The following GRID1 variants were observed in gnomAD, a reference collection of about 807,000 sequenced individuals.
GRID1 encodes glutamate receptor ionotropic, delta-1.
Under a neutral mutation model 98.0 loss-of-function variants are expected in GRID1, and 28 were observed. That is an observed-to-expected ratio of 0.29 (90% CI 0.21 to 0.39). The LOEUF is 0.39. Among genes scored for constraint, GRID1 ranks in the 10% least tolerant of loss-of-function variants. GRID1 has a pLI of 1.00. For synonymous variants in GRID1, 553 were observed against 538.5 expected, an observed-to-expected ratio of 1.03 and a Z score of -0.37; for missense variants, 1,111 against 1,340.5, an observed-to-expected ratio of 0.83 and a Z score of 2.67.
intron 4 of GRID1, among the ~76,000 whole-genome samples, chr10:86,030,982 A>G (rs1312178426): frequency 6.6e-6 from 1 of 152,116 alleles, no homozygotes; most frequent in African/African-American, 2.4e-5. Context: ...CTATGTAAAC[A>G]TCATACCTGA....
chr10:85,818,296 A>G (rs1346651020), intron 8 of GRID1, among the ~76,000 whole-genome samples: 1 of 152,182 alleles, frequency 6.6e-6, no homozygotes, highest in Non-Finnish European at 1.5e-5. Context: ...GTTTCCATCT[A>G]TTTGTATCTA....
chr10:86,030,273 T>C (rs1438709131), intron 4 of GRID1, among the ~76,000 whole-genome samples: 1 of 152,190 alleles, frequency 6.6e-6, no homozygotes, highest in Admixed American at 6.5e-5. Flanking sequence ...CAAGGATATT[T>C]AGGACAAGAC....
chr10:85,673,115 A>C (rs1321575205), intron 12 of GRID1, among the ~76,000 whole-genome samples: 1 of 152,236 alleles, frequency 6.6e-6, no homozygotes, highest in East Asian at 1.9e-4. Context: ...TGGAGGAAGT[A>C]ACTGCATATG....
chr10:86,160,019 A>G (rs1845299116), intron 3 of GRID1, among the ~76,000 whole-genome samples: 1 of 152,034 alleles, frequency 6.6e-6, no homozygotes, highest in Non-Finnish European at 1.5e-5. Context: ...CATCATAACC[A>G]TCAACATCAC....
chr10:85,952,046 C>T (rs1468653078), intron 4 of GRID1, among the ~76,000 whole-genome samples: 2 of 152,202 alleles, frequency 1.3e-5, no homozygotes, highest in Admixed American at 6.5e-5. Context: ...GAACACTATC[C>T]GAAGCACTAA....
intron 8 of GRID1, among the ~76,000 whole-genome samples, chr10:85,801,732 C>A (rs1406717341): frequency 6.6e-6 from 1 of 151,620 alleles, no homozygotes; most frequent in Admixed American, 6.6e-5. Context: ...GCTTTAAAAT[C>A]AGAACATAAA....
intron 2 of GRID1, among the ~76,000 whole-genome samples, chr10:86,252,834 T>C (rs1423222732): frequency 6.6e-6 from 1 of 152,218 alleles, no homozygotes; most frequent in Non-Finnish European, 1.5e-5. Flanking sequence ...TCATGCTGAA[T>C]TTGCTGAGTC....
At chr10:85,843,547 G>A (rs964520985) in intron 8 of GRID1, among the ~76,000 whole-genome samples, 2 of 151,938 alleles carry the variant, frequency 1.3e-5, no homozygotes, top group Non-Finnish European at 2.9e-5. Context: ...TCCAATAAGA[G>A]ACTAGTATCT....
rs76511388 is a variant in GRID1, at chr10:86,329,391, C to T, written c.235+34550G>A. ...CCCCAACTAGCCAGATGTCTACAGC[C>T]CATGTGGTTACTGGGTGAATACCCC... is the stretch of plus-strand genomic sequence containing the variant. On this transcript the variant is annotated intron_variant, in intron 2 of 15. Coordinates refer to ENST00000327946, the MANE Select transcript of GRID1 (RefSeq NM_017551.3). Among the ~76,000 whole-genome samples, 256 of 152,282 alleles carry T rather than the reference C, an allele frequency of 1.7e-3. 7 individuals are homozygous for T. In the East Asian group the frequency reaches 0.043, roughly 26 times the overall value.
chr10:86,136,691 G>A (rs113219547), intron 4 of GRID1, among the ~76,000 whole-genome samples: 13 of 152,276 alleles, frequency 8.5e-5, no homozygotes, highest in South Asian at 4.1e-4. Context: ...TATCATCGGC[G>A]GAGACTGAAG....
chr10:85,617,495 A>T lies in GRID1; in HGVS notation c.2360+2372T>A, dbSNP rs147208808. ...GTGATCTGCCCGCCTCAGCCTCCCAAAGTGCTGGGAGCCACTGCACCCAGC... is the reference window on the plus strand; with the variant it reads ...GTGATCTGCCCGCCTCAGCCTCCCATAGTGCTGGGAGCCACTGCACCCAGC... On this transcript the variant is annotated intron_variant, in intron 14 of 15. Transcript: ENST00000327946. Among the ~76,000 whole-genome samples, 788 of 152,106 alleles carry T rather than the reference A, an allele frequency of 5.2e-3. 2 individuals are homozygous for T. Among genetic ancestry groups the T allele is most frequent in the Admixed American group, 9.6e-3 (147 of 15,292 alleles).
chr10:85,765,147 A>G (rs12250311), intron 8 of GRID1, among the ~76,000 whole-genome samples: 3,486 of 152,300 alleles, frequency 0.023, 127 homozygotes, highest in African/African-American at 0.08. Context: ...AAGCAGATGA[A>G]ACTGAGGCTC....
chr10:86,094,730 G>A (rs1844195999), intron 4 of GRID1, among the ~76,000 whole-genome samples: 1 of 152,042 alleles, frequency 6.6e-6, no homozygotes, highest in Admixed American at 6.5e-5. Context: ...GCTCATGGAT[G>A]GGTAGAATCA....
In GRID1 at chr10:86,181,826, CTTAG is replaced by C. The variant is rs1463905810; in HGVS notation, c.520+24534_520+24537del. ...CAGTGGTACTTATCTTGTTGGCTTT[CTTAG>C]TTATTTATTCTCTGTCTCCTATGCC... On this transcript the variant is annotated intron_variant, in intron 3 of 15. Transcript: ENST00000327946. Among the ~76,000 whole-genome samples the C allele has an allele frequency of 3.3e-5, 5 of 152,250 alleles. No homozygotes were observed. In the East Asian group the frequency reaches 7.7e-4, roughly 24 times the overall value.
intron 14 of GRID1, among the ~76,000 whole-genome samples, chr10:85,616,562 T>C (rs1269150384): frequency 6.6e-6 from 1 of 152,332 alleles, no homozygotes; most frequent in South Asian, 2.1e-4. Context: ...TATAATTGTA[T>C]GCATTTTTTA....
intron 4 of GRID1, among the ~76,000 whole-genome samples, chr10:85,983,727 A>T (rs185725898): frequency 6.6e-6 from 1 of 152,170 alleles, no homozygotes; most frequent in Admixed American, 6.5e-5. Context: ...AGGCCAAGAA[A>T]GCTCCCATAG....
At chr10:85,985,148 C>T (rs1271866562) in intron 4 of GRID1, among the ~76,000 whole-genome samples, 1 of 152,120 alleles carries the variant, frequency 6.6e-6, no homozygotes, top group Non-Finnish European at 1.5e-5. Flanking sequence ...CAAAATTGCA[C>T]CCAAATTAGA....
At chr10:85,912,861 G>A (rs995310463) in intron 5 of GRID1, among the ~76,000 whole-genome samples, 4 of 152,174 alleles carry the variant, frequency 2.6e-5, no homozygotes, top group Non-Finnish European at 5.9e-5. Flanking sequence ...AAACAGGAAG[G>A]TGGCTGAGAA....
At chr10:85,767,468 T>G in intron 8 of GRID1, among the ~76,000 whole-genome samples, 1 of 152,196 alleles carries the variant, frequency 6.6e-6, no homozygotes, top group Non-Finnish European at 1.5e-5. Context: ...ATATCTAATA[T>G]ACAAGCAGCA....
Sources: allele counts gnomAD v4.1 joint callset (sites outside exome capture counted in the v4.1 genomes callset), GRCh38; gene constraint gnomAD v4.1.1; transcripts MANE v1.5; gene names NCBI Gene and HGNC (gene_info 2026-07-23, HGNC 2026-07-21).